The following PEX5L variants were observed in gnomAD, a reference collection of about 807,000 sequenced individuals.
PEX5L encodes peroxisomal biogenesis factor 5 like.
In PEX5L, 30 loss-of-function variants were observed where a neutral mutation model predicts 84.0. The observed-to-expected ratio is 0.36, with a 90% confidence interval of 0.27 to 0.48. The LOEUF (loss-of-function observed/expected upper bound fraction) is 0.48, where lower values mean the gene tolerates loss of function less well. Ranked by LOEUF, PEX5L falls within the 20% of genes least tolerant of loss-of-function variation. The pLI is 0.99. For missense variants in PEX5L, 533 were observed against 754.6 expected, an observed-to-expected ratio of 0.71 and a Z score of 3.44; for synonymous variants, 270 against 283.1, an observed-to-expected ratio of 0.95 and a Z score of 0.46.
intron 7 of PEX5L, among the ~76,000 whole-genome samples, chr3:179,861,113 T>G (rs1193352654): frequency 6.6e-6 from 1 of 152,270 alleles, no homozygotes; most frequent in Non-Finnish European, 1.5e-5. Context: ...TATTAAAACA[T>G]TAATTTATGT....
At chr3:179,858,928 T>C (rs1048314330) in intron 8 of PEX5L, 134 bp downstream of exon 8, 2 of 634,414 alleles carry the variant, frequency 3.2e-6, no homozygotes, top group Non-Finnish European at 5.7e-6. Context: ...TTGTCTCATT[T>C]TGACAATCAT....
chr3:179,859,928 G>A (rs866295469), intron 7 of PEX5L, among the ~76,000 whole-genome samples: 4 of 151,476 alleles, frequency 2.6e-5, no homozygotes, highest in South Asian at 2.1e-4. Flanking sequence ...TACTTATTTC[G>A]AAAAAAAATT....
rs557088718 is a variant in PEX5L, at chr3:179,874,635, C to T, written c.630-212G>A. 6.1e-5 allele frequency among the ~76,000 whole-genome samples: 9 copies of T among 146,974 alleles called. 1 individual carries two copies. The East Asian group carries it at 1.2e-3, about 20-fold the overall frequency. On this transcript the variant is annotated intron_variant, in intron 6 of 14. Transcript: ENST00000467460. ...ACAGTGTGCTAGGTGTTATTATCTT[C>T]GATTAAAAATTCAGTTCGATTATGG... is the stretch of plus-strand genomic sequence containing the variant.
At chr3:179,840,804 TTATTGAACTGGGG>T (rs1303747211) in intron 8 of PEX5L, among the ~76,000 whole-genome samples, 1 of 152,098 alleles carries the variant, frequency 6.6e-6, no homozygotes, top group African/African-American at 2.4e-5. Flanking sequence ...CATGGTGCTA[TTATTGAACTGGGG>T]TAGGAACTGG....
At chr3:179,851,713 T>C (rs970727510) in intron 8 of PEX5L, among the ~76,000 whole-genome samples, 1 of 152,146 alleles carries the variant, frequency 6.6e-6, no homozygotes, top group South Asian at 2.1e-4. Flanking sequence ...AAGATTGTCA[T>C]GAAGAGAGGT....
At chr3:179,973,344 G>A in intron 1 of PEX5L, 8 of 1,195,194 alleles carry the variant, frequency 6.7e-6, no homozygotes, top group Non-Finnish European at 8.5e-6. Flanking sequence ...CATTAATAAT[G>A]TACAACAATA....
intron 8 of PEX5L, among the ~76,000 whole-genome samples, chr3:179,830,141 T>C (rs1011492258): frequency 5.9e-5 from 9 of 152,020 alleles, no homozygotes; most frequent in African/African-American, 1.9e-4. Flanking sequence ...CCTTTTACTT[T>C]GTGGAAATAG....
chr3:179,965,997 C>G (rs533185106), intron 2 of PEX5L, among the ~76,000 whole-genome samples: 1 of 152,150 alleles, frequency 6.6e-6, no homozygotes, highest in African/African-American at 2.4e-5. Flanking sequence ...ATTGATTGGA[C>G]TGCAACAGTG....
intron 2 of PEX5L, among the ~76,000 whole-genome samples, chr3:179,934,090 C>T (rs1197261969): frequency 6.6e-6 from 1 of 152,234 alleles, no homozygotes; most frequent in African/African-American, 2.4e-5. Context: ...AGAGCAAATG[C>T]TCCAGCCAGC....
chr3:180,035,002 C>T (rs1033198865), intron 1 of PEX5L, among the ~76,000 whole-genome samples: 24 of 152,078 alleles, frequency 1.6e-4, no homozygotes, highest in African/African-American at 5.6e-4. Flanking sequence ...ATTGTTGCTT[C>T]GATTCTTCAT....
At chr3:179,878,782 C>T (rs1753255772) in intron 5 of PEX5L, among the ~76,000 whole-genome samples, 1 of 152,168 alleles carries the variant, frequency 6.6e-6, no homozygotes, top group Non-Finnish European at 1.5e-5. Flanking sequence ...CATGTAGTAA[C>T]TGATGTGGGT....
chr3:179,870,854 G>A (rs936826118), intron 7 of PEX5L, among the ~76,000 whole-genome samples: 3 of 152,076 alleles, frequency 2.0e-5, no homozygotes, highest in African/African-American at 7.2e-5. Flanking sequence ...TATCCCTACA[G>A]CATTCAAAAC....
At chr3:179,847,287 T>C (rs1469693607) in intron 8 of PEX5L, among the ~76,000 whole-genome samples, 1 of 152,140 alleles carries the variant, frequency 6.6e-6, no homozygotes, top group Non-Finnish European at 1.5e-5. Flanking sequence ...TATAGATATC[T>C]GTATATTGAT....
intron 1 of PEX5L, among the ~76,000 whole-genome samples, chr3:180,032,955 C>T (rs1379543315): frequency 1.3e-5 from 2 of 152,102 alleles, no homozygotes; most frequent in Non-Finnish European, 2.9e-5. Context: ...TTGCTGAGGG[C>T]CTCAATTATG....
In PEX5L at chr3:179,959,087, T is replaced by C. The variant is rs549823976; in HGVS notation, c.93+12507A>G. On this transcript the variant is annotated intron_variant, in intron 2 of 14. Transcript: ENST00000467460. ...AAAAAAAAAAATAAAAAAAACCAGATTCCTGGGCCCCACCTCCAGAGTCTG... is the reference window on the plus strand; with the variant it reads ...AAAAAAAAAAATAAAAAAAACCAGACTCCTGGGCCCCACCTCCAGAGTCTG... Among the ~76,000 whole-genome samples the C allele has an allele frequency of 2.0e-5, 3 of 151,476 alleles. No homozygotes were observed. In the East Asian group the frequency reaches 5.8e-4, roughly 29 times the overall value.
intron 7 of PEX5L, among the ~76,000 whole-genome samples, chr3:179,873,273 C>T (rs1022023531): frequency 1.2e-4 from 18 of 152,142 alleles, no homozygotes; most frequent in African/African-American, 4.3e-4. Flanking sequence ...GTCCTTATAG[C>T]ACTCAGTAAT....
At chr3:179,975,765 G>T (rs951938120) in intron 1 of PEX5L, among the ~76,000 whole-genome samples, 1 of 152,132 alleles carries the variant, frequency 6.6e-6, no homozygotes, top group African/African-American at 2.4e-5. Flanking sequence ...TCCCACAGCT[G>T]CAAAATTGCT....
chr3:179,986,442 A>T (rs1342731866), intron 1 of PEX5L, among the ~76,000 whole-genome samples: 3 of 131,874 alleles, frequency 2.3e-5, no homozygotes, highest in African/African-American at 8.9e-5. Flanking sequence ...TCGCTCTGTC[A>T]CCCAGGCTGG....
intron 2 of PEX5L, among the ~76,000 whole-genome samples, chr3:179,968,624 T>C (rs529610215): frequency 6.6e-6 from 1 of 152,208 alleles, no homozygotes; most frequent in South Asian, 2.1e-4. Context: ...ACGCTTAAAG[T>C]TTGAAAACCT....
Sources: gnomAD v4.1 joint callset for allele counts (sites outside exome capture counted in the v4.1 genomes callset) on GRCh38, gnomAD v4.1.1 for gene constraint, MANE v1.5 for transcripts, NCBI Gene and HGNC (gene_info 2026-07-23, HGNC 2026-07-21) for gene names.